SORBS2: variants seen among roughly 807,000 people sequenced by gnomAD.
SORBS2 encodes sorbin and SH3 domain containing 2.
SORBS2 carries 46 observed loss-of-function variants against 97.7 expected under a neutral mutation model. The ratio of observed to expected loss-of-function variants is 0.47; its 90% CI spans 0.37 to 0.60. SORBS2 has a LOEUF of 0.60. SORBS2 is among the 20% of genes least tolerant of loss of function. The pLI, the probability that SORBS2 is intolerant of heterozygous loss-of-function variation, is 0.00. For synonymous variants in SORBS2, 476 were observed against 473.4 expected (o/e 1.01, Z -0.07); for missense variants, 1,316 against 1,282.3 (o/e 1.03, Z -0.40).
At position 185,606,182 on chromosome 4, in the gene SORBS2, C is replaced by T; in HGVS notation, c.2796+5598G>A. 1 of 985,384 alleles carries T rather than the reference C, an allele frequency of 1.0e-6. No individual in the cohort carries two copies. The highest frequency in any genetic ancestry group is 1.2e-6 in the Non-Finnish European group (1 of 829,884). 61.0% of individuals were successfully genotyped at this position (985,384 alleles called of 1,614,324 possible). A position where few individuals can be genotyped will look rare whatever the true frequency, so the allele number is the denominator to read the frequency against. On this transcript the variant is annotated intron_variant, in intron 12 of 14. Coordinates refer to ENST00000418609, the Ensembl canonical transcript of SORBS2. The surrounding 1 kb of genome is among the most constrained non-coding windows in gnomAD (Gnocchi z 4.3). ...AATTTCTGGGCATCAACTTCCTCTT[C>T]TCTAAAGTGGGGATGATAATGTCAC... is the stretch of plus-strand genomic sequence containing the variant.
chr4:185,795,195 T>C (rs1015654532), intron 1 of SORBS2, among the ~76,000 whole-genome samples: 6 of 152,166 alleles, frequency 3.9e-5, no homozygotes, highest in African/African-American at 1.4e-4. Context: ...CGCTGGGCCC[T>C]GCAAATTTAT....
intron 1 of SORBS2, 152 bp from the exon 10 acceptor site, chr4:185,652,880 C>T (rs914307381): frequency 3.0e-6 from 2 of 656,358 alleles, no homozygotes; most frequent in African/African-American, 3.6e-5. Context: ...ATGACAGTTT[C>T]AGCAATTTAC....
chr4:185,952,226 C>T (rs1460470375), intron 1 of SORBS2, among the ~76,000 whole-genome samples: 1 of 152,080 alleles, frequency 6.6e-6, no homozygotes, highest in Non-Finnish European at 1.5e-5. Context: ...CAGGGTTTCA[C>T]CATGTTGGCC....
chr4:185,616,211 G>T (rs1031338524), intron 9 of SORBS2, among the ~76,000 whole-genome samples: 16 of 152,186 alleles, frequency 1.1e-4, no homozygotes, highest in Middle Eastern at 3.4e-3. Flanking sequence ...TCATTTATTA[G>T]TATAGGCCGT....
chr4:185,830,987 C>A (rs1237872242), intron 1 of SORBS2, among the ~76,000 whole-genome samples: 1 of 152,140 alleles, frequency 6.6e-6, no homozygotes, highest in Admixed American at 6.5e-5. Context: ...TTTAGACCTG[C>A]TCTTTATAAC....
intron 4 of SORBS2, chr4:185,646,374 C>T (rs1180398304): frequency 4.4e-6 from 1 of 229,876 alleles, no homozygotes; most frequent in African/African-American, 2.3e-5. Context: ...TGTGCATACA[C>T]ATGTGTATAT....
intron 12 of SORBS2, among the ~76,000 whole-genome samples, chr4:185,609,192 A>C (rs894940179): frequency 6.6e-6 from 1 of 151,944 alleles, no homozygotes; most frequent in African/African-American, 2.4e-5. Context: ...GATATAAACC[A>C]CTCAAGTCTC....
chr4:185,905,107 A>C (rs2099250006), intron 1 of SORBS2, among the ~76,000 whole-genome samples: 1 of 151,156 alleles, frequency 6.6e-6, no homozygotes, highest in African/African-American at 2.5e-5. Flanking sequence ...TCTGTCAAAA[A>C]AAAAAAAGAA....
intron 14 of SORBS2, chr4:185,587,922 G>C (rs547849719): frequency 8.3e-5 from 39 of 470,342 alleles, no homozygotes; most frequent in African/African-American, 6.9e-4. Flanking sequence ...ATCGCGGCAG[G>C]CTAAACAGAA....
intron 12 of SORBS2, among the ~76,000 whole-genome samples, chr4:185,597,757 A>C (rs976103272): frequency 1.3e-5 from 2 of 152,186 alleles, no homozygotes; most frequent in Non-Finnish European, 2.9e-5. Flanking sequence ...AGAGATTTGT[A>C]ATGCAGCTGC....
rs561132369 is a variant in SORBS2, at chr4:185,717,164, A to G, written c.-197-38342T>C. Among the ~76,000 whole-genome samples, 8 of 152,284 alleles carry G rather than the reference A, an allele frequency of 5.3e-5. No homozygotes were observed. The East Asian group carries it at 1.4e-3, about 26-fold the overall frequency. The stretch of plus-strand genomic sequence containing the variant: ...GGAGCGCCGCTGTCTTCAAACCTGG[A>G]AGTGAAGTGCACCCACACCCAGCCA... On this transcript the variant is annotated intron_variant, in intron 2 of 20. Transcript: ENST00000284776.
At chr4:185,613,636 C>A (rs2096578932) in intron 11 of SORBS2, among the ~76,000 whole-genome samples, 1 of 98,164 alleles carries the variant, frequency 1.0e-5, no homozygotes. Flanking sequence ...GACAGAGTGA[C>A]ACTCCATCTC....
intron 1 of SORBS2, among the ~76,000 whole-genome samples, chr4:185,868,131 C>CTT (rs2099228036): frequency 7.2e-6 from 1 of 138,424 alleles, no homozygotes; most frequent in East Asian, 2.2e-4. Context: ...TTCTACTTTC[C>CTT]TTTCTCTTTT....
intron 2 of SORBS2, among the ~76,000 whole-genome samples, chr4:185,741,393 C>CTTT (rs1210677956): frequency 5.2e-4 from 62 of 119,494 alleles, no homozygotes; most frequent in African/African-American, 1.5e-3. Flanking sequence ...TCTTTCTTTT[C>CTTT]TTTTTTTTTT....
intron 1 of SORBS2, among the ~76,000 whole-genome samples, chr4:185,654,332 A>C (rs1328626214): frequency 6.6e-6 from 1 of 152,206 alleles, no homozygotes; most frequent in African/African-American, 2.4e-5. Flanking sequence ...TCTTTCATTA[A>C]ACCTCATTTC....
chr4:185,811,342 GT>G (rs2099183391), intron 1 of SORBS2, among the ~76,000 whole-genome samples: 2 of 152,180 alleles, frequency 1.3e-5, no homozygotes, highest in African/African-American at 4.8e-5. Flanking sequence ...AGAATCCATT[GT>G]TCACAAGCGA....
chr4:185,913,291 A>T (rs1265908879), intron 1 of SORBS2, among the ~76,000 whole-genome samples: 2 of 152,210 alleles, frequency 1.3e-5, no homozygotes, highest in African/African-American at 2.4e-5. Flanking sequence ...ATAAACATTA[A>T]CCAAATAAAA....
intron 1 of SORBS2, among the ~76,000 whole-genome samples, chr4:185,885,263 G>A (rs2099238828): frequency 6.6e-6 from 1 of 152,182 alleles, no homozygotes; most frequent in Non-Finnish European, 1.5e-5. Flanking sequence ...AGAGCCCAAG[G>A]GCGAGGAAAA....
At chr4:185,736,614 G>C (rs185545209) in intron 2 of SORBS2, among the ~76,000 whole-genome samples, 3 of 152,206 alleles carry the variant, frequency 2.0e-5, no homozygotes. Context: ...ACAGGCACAA[G>C]GTATGTACTG....
Sources: gnomAD v4.1 joint callset for allele counts (sites outside exome capture counted in the v4.1 genomes callset) on GRCh38, gnomAD v4.1.1 for gene constraint, Gnocchi (gnomAD v3.1) non-coding constraint, MANE v1.5 for transcripts, NCBI Gene and HGNC (gene_info 2026-07-23, HGNC 2026-07-21) for gene names.